Variants in PTBP2 observed in about 807,000 individuals in gnomAD.
PTBP2 encodes polypyrimidine tract-binding protein 2.
Under a neutral mutation model 61.4 loss-of-function variants are expected in PTBP2, and 13 were observed. The observed-to-expected ratio is 0.21, with a 90% confidence interval of 0.14 to 0.34. PTBP2 has a LOEUF of 0.34. Among genes scored for constraint, PTBP2 ranks in the 10% least tolerant of loss-of-function variants. The probability of loss-of-function intolerance (pLI) is 1.00; values close to 1 mark genes in which losing one functional copy is unlikely to be tolerated. For missense variants in PTBP2, 405 were observed against 642.6 expected, an observed-to-expected ratio of 0.63 and a Z score of 4.00; for synonymous variants, 215 against 218.5, an observed-to-expected ratio of 0.98 and a Z score of 0.14.
intron 3 of PTBP2, among the ~76,000 whole-genome samples, chr1:96,763,891 A>C (rs2100983868): frequency 6.6e-6 from 1 of 152,340 alleles, no homozygotes; most frequent in African/African-American, 2.4e-5. Flanking sequence ...AAGAGCAAAT[A>C]GCATAAAAGA....
chr1:96,802,560 TA>T (rs1242243659), intron 8 of PTBP2, among the ~76,000 whole-genome samples: 3 of 152,164 alleles, frequency 2.0e-5, no homozygotes, highest in Admixed American at 2.0e-4. Flanking sequence ...AACCAGAAAT[TA>T]AAGTGATTTA....
At chr1:96,749,488 CT>C (rs1654266123) in intron 2 of PTBP2, 1 of 325,770 alleles carries the variant, frequency 3.1e-6, no homozygotes. Context: ...GTGAGTAAAA[CT>C]TTAAGCATCA....
intron 2 of PTBP2, among the ~76,000 whole-genome samples, chr1:96,734,254 T>C (rs1046805457): frequency 6.6e-6 from 1 of 152,192 alleles, no homozygotes; most frequent in African/African-American, 2.4e-5. Flanking sequence ...TTTCCACTTC[T>C]GTTATTTTGA....
At chr1:96,741,710 G>A (rs1216179648) in intron 2 of PTBP2, among the ~76,000 whole-genome samples, 1 of 152,036 alleles carries the variant, frequency 6.6e-6, no homozygotes, top group Non-Finnish European at 1.5e-5. Flanking sequence ...ATAGGCTTGT[G>A]TATTTTATTT....
rs149148188 is a variant in PTBP2 at position 96,806,948 on chromosome 1, A to G, written c.1161A>G (p.Gln387=). Residue 387 remains glutamine, a synonymous_variant, in exon 11 of 14, where the codon CAA becomes CAG. Transcript: ENST00000674951. ...SALIQMADGN[Q]SQLAMNHLNG... is the part of the protein sequence containing the mutation. Reference sequence around the variant, plus strand: ...TAATACAGATGGCTGATGGAAACCAATCACAACTTGGTAAGATTAAACTAT... The same window carrying G: ...TAATACAGATGGCTGATGGAAACCAGTCACAACTTGGTAAGATTAAACTAT... The G allele has an allele frequency of 3.5e-5, 56 of 1,605,892 alleles. No homozygotes were observed. The African/African-American group carries it at 4.4e-4, about 13-fold the overall frequency.
intron 5 of PTBP2, among the ~76,000 whole-genome samples, chr1:96,773,989 G>A (rs1657713067): frequency 6.7e-6 from 1 of 149,736 alleles, no homozygotes; most frequent in East Asian, 2.0e-4. Flanking sequence ...AAGAATTCCT[G>A]GTACCAGCAG....
chr1:96,756,870 AT>A (rs1655218236), intron 3 of PTBP2, among the ~76,000 whole-genome samples: 1 of 152,120 alleles, frequency 6.6e-6, no homozygotes. Context: ...CATGTCATAC[AT>A]TTTTCCAAAC....
At chr1:96,784,899 G>A (rs1366224665) in intron 7 of PTBP2, 160 bp from the exon 8 acceptor site, 3 of 561,034 alleles carry the variant, frequency 5.3e-6, no homozygotes, top group Non-Finnish European at 9.0e-6. Flanking sequence ...GTAATACATG[G>A]ACAGCTGGAA....
intron 8 of PTBP2, among the ~76,000 whole-genome samples, chr1:96,802,007 C>T (rs1336888577): frequency 6.6e-6 from 1 of 151,562 alleles, no homozygotes; most frequent in African/African-American, 2.4e-5. Flanking sequence ...GTCAGGAGAT[C>T]AAGACCATCT....
chr1:96,723,227 T>C (rs75019551), intron 1 of PTBP2, among the ~76,000 whole-genome samples: 1 of 152,348 alleles, frequency 6.6e-6, no homozygotes, highest in East Asian at 1.9e-4. Flanking sequence ...TCCTGGTTCC[T>C]GTGGAGACTA....
intron 1 of PTBP2, 32 bp from the exon 2 acceptor site, chr1:96,723,527 TAACAG>T (rs1225455778): frequency 3.9e-6 from 6 of 1,556,088 alleles, no homozygotes; most frequent in Non-Finnish European, 5.3e-6. Flanking sequence ...ATTAGAAGAA[TAACAG>T]GAGGTTGAAA....
chr1:96,795,550 A>T (rs1660291092), intron 8 of PTBP2, among the ~76,000 whole-genome samples: 1 of 152,214 alleles, frequency 6.6e-6, no homozygotes, highest in African/African-American at 2.4e-5. Flanking sequence ...ATTGTAATTA[A>T]ACTTTAAGCA....
intron 2 of PTBP2, among the ~76,000 whole-genome samples, chr1:96,737,104 C>T (rs113089247): frequency 7.2e-5 from 11 of 151,950 alleles, no homozygotes; most frequent in East Asian, 3.9e-4. Context: ...CTCAGCCTCC[C>T]GAGTAGCTGG....
intron 2 of PTBP2, among the ~76,000 whole-genome samples, chr1:96,744,313 CAT>C (rs892150322): frequency 3.2e-4 from 48 of 151,888 alleles, no homozygotes; most frequent in African/African-American, 1.1e-3. Context: ...AACTTCTTTA[CAT>C]ATATATATAT....
At chr1:96,777,434 T>A in intron 5 of PTBP2, 151 bp from the exon 6 acceptor site, 1 of 510,390 alleles carries the variant, frequency 2.0e-6, no homozygotes. Flanking sequence ...ACCTGGCTCA[T>A]GGCAGGTGCT....
chr1:96,781,723 C>T (rs764225530), intron 7 of PTBP2, among the ~76,000 whole-genome samples: 44 of 152,078 alleles, frequency 2.9e-4, no homozygotes, highest in African/African-American at 8.7e-4. Flanking sequence ...TATTTTCTGT[C>T]GGACTGTAAG....
chr1:96,783,773 G>A (rs1409256260), intron 7 of PTBP2, among the ~76,000 whole-genome samples: 1 of 151,932 alleles, frequency 6.6e-6, no homozygotes, highest in Admixed American at 6.6e-5. Context: ...TTACACCAGG[G>A]TATTCAATTA....
chr1:96,750,679 C>T (rs534910502), intron 2 of PTBP2, among the ~76,000 whole-genome samples: 1 of 151,892 alleles, frequency 6.6e-6, no homozygotes, highest in Admixed American at 6.6e-5. Flanking sequence ...ATTAATTTAA[C>T]CTATTTTCAA....
intron 2 of PTBP2, among the ~76,000 whole-genome samples, chr1:96,732,446 G>C (rs115915496): frequency 0.019 from 2,897 of 152,286 alleles, 94 homozygotes; most frequent in African/African-American, 0.065. Context: ...CTTGAGGGCA[G>C]TGACCCTATT....
Sources: allele counts gnomAD v4.1 joint callset (sites outside exome capture counted in the v4.1 genomes callset), GRCh38; gene constraint gnomAD v4.1.1; transcripts MANE v1.5; gene names NCBI Gene and HGNC (gene_info 2026-07-23, HGNC 2026-07-21).